The following DYM variants were observed in gnomAD, a reference collection of about 807,000 sequenced individuals.
DYM encodes the protein dymeclin, also known as dyggve-Melchior-Clausen syndrome protein.
A neutral mutation model predicts 93.1 loss-of-function variants in DYM; 78 were observed. That is an observed-to-expected ratio of 0.84 (90% CI 0.70 to 1.01). The LOEUF is 1.01. DYM is among the 50% of genes least tolerant of loss of function. The pLI, the probability that DYM is intolerant of heterozygous loss-of-function variation, is 0.00. For missense variants in DYM, 789 were observed against 845.0 expected, an observed-to-expected ratio of 0.93 and a Z score of 0.82; for synonymous variants, 321 against 319.7, an observed-to-expected ratio of 1.00 and a Z score of -0.04.
At chr18:49,067,658 T>C (rs1275305425) in intron 17 of DYM, among the ~76,000 whole-genome samples, 1 of 152,166 alleles carries the variant, frequency 6.6e-6, no homozygotes, top group Admixed American at 6.5e-5. Context: ...GAAACAATTG[T>C]CCATGCCACA....
At chr18:49,263,790 C>T (rs1379161573) in intron 11 of DYM, among the ~76,000 whole-genome samples, 2 of 152,138 alleles carry the variant, frequency 1.3e-5, no homozygotes, top group Non-Finnish European at 2.9e-5. Context: ...CACAGAGCAG[C>T]AGTGTCCAAC....
At chr18:49,287,028 T>C (rs1424303179) in intron 8 of DYM, among the ~76,000 whole-genome samples, 1 of 151,984 alleles carries the variant, frequency 6.6e-6, no homozygotes, top group African/African-American at 2.4e-5. Flanking sequence ...CCATCTCTAC[T>C]AAAAATATAA....
chr18:49,083,079 T>G (rs1048586681), intron 17 of DYM, among the ~76,000 whole-genome samples: 1 of 133,776 alleles, frequency 7.5e-6, no homozygotes, highest in Non-Finnish European at 1.8e-5. Context: ...ATTTTAGGCT[T>G]TGTGAGCCAA....
intron 1 of DYM, among the ~76,000 whole-genome samples, chr18:49,441,283 A>ATATTG (rs2081556572): frequency 4.6e-4 from 14 of 30,560 alleles, no homozygotes; most frequent in African/African-American, 2.2e-3. Flanking sequence ...ATATTATATA[A>ATATTG]TTATATATAA....
At chr18:49,450,568 C>T (rs2082439339) in intron 1 of DYM, among the ~76,000 whole-genome samples, 1 of 152,196 alleles carries the variant, frequency 6.6e-6, no homozygotes, top group Non-Finnish European at 1.5e-5. Flanking sequence ...AATTGTCCTT[C>T]CTGATGCCTG....
chr18:49,262,609 A>T (rs574960201), intron 11 of DYM, among the ~76,000 whole-genome samples: 25 of 152,322 alleles, frequency 1.6e-4, no homozygotes, highest in South Asian at 6.2e-4. Context: ...GTCTGATAGT[A>T]CTAGTTCTTT....
intron 13 of DYM, among the ~76,000 whole-genome samples, chr18:49,220,699 C>T (rs1337688725): frequency 6.6e-6 from 1 of 152,138 alleles, no homozygotes; most frequent in African/African-American, 2.4e-5. Flanking sequence ...ACTGGCTAGC[C>T]ATATGGAGAA....
intron 2 of DYM, among the ~76,000 whole-genome samples, chr18:49,406,510 G>A (rs560042890): frequency 9.2e-5 from 14 of 152,152 alleles, no homozygotes; most frequent in African/African-American, 2.9e-4. Context: ...GCAGAGAGCC[G>A]AGATCATGCC....
At chr18:49,388,921 AAAAAAAAG>A (rs1285255284) in intron 3 of DYM, among the ~76,000 whole-genome samples, 1 of 151,724 alleles carries the variant, frequency 6.6e-6, no homozygotes, top group African/African-American at 2.4e-5. Flanking sequence ...GACAAAAAAA[AAAAAAAAG>A]AAAAAAGAGA....
intron 10 of DYM, among the ~76,000 whole-genome samples, chr18:49,272,956 A>G (rs981478103): frequency 2.0e-5 from 3 of 152,170 alleles, no homozygotes; most frequent in African/African-American, 7.2e-5. Flanking sequence ...GACTATCTAC[A>G]TAGCATGTCT....
chr18:49,050,264 T>C (rs1409982703), intron 17 of DYM, among the ~76,000 whole-genome samples: 2 of 151,800 alleles, frequency 1.3e-5, no homozygotes, highest in Non-Finnish European at 2.9e-5. Flanking sequence ...TTTTTTTTTG[T>C]ATTTTTAGTA....
At chr18:49,107,117 T>G (rs2080902368) in intron 16 of DYM, among the ~76,000 whole-genome samples, 1 of 151,814 alleles carries the variant, frequency 6.6e-6, no homozygotes, top group South Asian at 2.1e-4. Context: ...TTTTATTCTT[T>G]TTTCTCTAAA....
chr18:49,149,358 T>C (rs1043648247), intron 15 of DYM, among the ~76,000 whole-genome samples: 21 of 152,058 alleles, frequency 1.4e-4, no homozygotes, highest in African/African-American at 4.8e-4. Flanking sequence ...GCTCATTCCC[T>C]CTCCTGCTTT....
intron 14 of DYM, among the ~76,000 whole-genome samples, chr18:49,199,857 T>TA (rs1379200954): frequency 1.3e-5 from 2 of 152,152 alleles, no homozygotes; most frequent in Non-Finnish European, 2.9e-5. Context: ...TGATTTTTTT[T>TA]AAAGCACAGT....
intron 2 of DYM, among the ~76,000 whole-genome samples, chr18:49,407,533 A>T (rs1280733223): frequency 6.6e-6 from 1 of 152,170 alleles, no homozygotes; most frequent in Non-Finnish European, 1.5e-5. Context: ...ACAAGGCAAG[A>T]GAAGAAGCAA....
At chr18:49,293,299 C>G (rs1416572520) in intron 8 of DYM, among the ~76,000 whole-genome samples, 1 of 152,140 alleles carries the variant, frequency 6.6e-6, no homozygotes, top group African/African-American at 2.4e-5. Flanking sequence ...GTGCATGTGT[C>G]TTTATAGTAG....
At chr18:49,135,887 C>A (rs533812310) in intron 15 of DYM, among the ~76,000 whole-genome samples, 2 of 152,340 alleles carry the variant, frequency 1.3e-5, no homozygotes, top group South Asian at 4.1e-4. Flanking sequence ...ATACAGGTAA[C>A]CCTGACTGGA....
At chr18:49,318,910 C>G (rs2062233951) in intron 8 of DYM, among the ~76,000 whole-genome samples, 2 of 148,496 alleles carry the variant, frequency 1.3e-5, no homozygotes, top group Admixed American at 1.4e-4. Context: ...AAGCAATTCT[C>G]CTGCCTCAGC....
chr18:49,139,593 A>C (rs1469863777), intron 15 of DYM, among the ~76,000 whole-genome samples: 1 of 152,240 alleles, frequency 6.6e-6, no homozygotes, highest in Non-Finnish European at 1.5e-5. Flanking sequence ...TCTGAGAATA[A>C]GATCATGCTT....
Sources: allele counts gnomAD v4.1 joint callset (sites outside exome capture counted in the v4.1 genomes callset), GRCh38; gene constraint gnomAD v4.1.1; transcripts MANE v1.5; gene names NCBI Gene and HGNC (gene_info 2026-07-23, HGNC 2026-07-21).